The following NAPG variants were observed in gnomAD, a reference collection of about 807,000 sequenced individuals.
NAPG encodes NSF attachment protein gamma.
Under a neutral mutation model 48.4 loss-of-function variants are expected in NAPG, and 25 were observed. The ratio of observed to expected loss-of-function variants is 0.52; its 90% confidence interval spans 0.38 to 0.72. The LOEUF (loss-of-function observed/expected upper bound fraction) is 0.72. NAPG is among the 30% of genes least tolerant of loss of function. The pLI, the probability that NAPG is intolerant of heterozygous loss-of-function variation, is 0.00. For missense variants in NAPG, 359 were observed against 372.5 expected (o/e 0.96, Z 0.30); for synonymous variants, 139 against 127.2 (o/e 1.09, Z -0.62).
Position 10,532,792 on chromosome 18 carries a change from G to C in NAPG, c.206G>C (p.Arg69Thr), listed in dbSNP as rs745457865. 1 of 1,560,616 alleles carries C rather than the reference G, an allele frequency of 6.4e-7. No homozygotes were observed. Among genetic ancestry groups the C allele is most frequent in the East Asian group, 2.3e-5 (1 of 42,944 alleles). The change falls in exon 3 of 12, where the codon AGG (arginine) becomes ACG (threonine). Residue 69 changes from arginine to threonine, a missense_variant. By Grantham distance (71) the Arg-to-Thr change is moderately conservative. Transcript: ENST00000322897. ...LREAVAHENN[R>T]ALFHAAKAYE... The stretch of plus-strand genomic sequence containing the variant: ...GAAGCTGTTGCCCATGAAAATAATA[G>C]GGCGTATCTTTTTCAACTTTTAAAA...
In NAPG at chr18:10,532,190, A is replaced by G. The variant is rs144817749; in HGVS notation, c.125-521A>G. On this transcript the variant is annotated intron_variant, in intron 2 of 11. Coordinates refer to ENST00000322897, the MANE Select transcript of NAPG (RefSeq NM_003826.3). ...GAACAGTGAGACATCTTTTTCATAG[A>G]TAGTAAACAGTATAAAAGATTGTTT... 5.3e-5 allele frequency among the ~76,000 whole-genome samples: 8 copies of G among 152,174 alleles called. 1 individual carries two copies. In the East Asian group the frequency reaches 1.3e-3, roughly 26 times the overall value.
In NAPG at chr18:10,530,820, C is replaced by T; in HGVS notation, c.107C>T (p.Ser36Phe). Reference sequence around the variant, plus strand: ...AAGCCAGATTATGACAGTGCCGCTTCTGAATATGGAAAAGCAGGTATTTTT... The same window carrying T: ...AAGCCAGATTATGACAGTGCCGCTTTTGAATATGGAAAAGCAGGTATTTTT... ...KWKPDYDSAA[S>F]EYGKAAVAFK... The change falls in exon 2 of 12, where the codon TCT becomes TTT. Residue 36 changes from serine to phenylalanine, a missense_variant. Coordinates refer to ENST00000322897, the MANE Select transcript of NAPG (RefSeq NM_003826.3). 1.9e-6 allele frequency: 3 copies of T among 1,584,184 alleles called. No homozygotes were observed. Among genetic ancestry groups the T allele is most frequent in the Non-Finnish European group, 2.6e-6 (3 of 1,166,302 alleles).
In NAPG at chr18:10,530,750, CTG is replaced by C. The variant is rs1461104349; in HGVS notation, c.57-16_57-15del. ...AAATGTGGTTGGTAACTCCTGTTAA[CTG>C]TGTTTTTTTCATTCTAGCCTGAAAA... is the stretch of plus-strand genomic sequence containing the variant. On this transcript the variant is annotated intron_variant, in intron 1 of 11. Transcript: ENST00000322897. 6.6e-7 allele frequency: 1 copy of C among 1,517,684 alleles called. No homozygotes were observed. 94.0% of individuals were successfully genotyped at this position (1,517,684 alleles called of 1,614,324 possible). A position where few individuals can be genotyped will look rare whatever the true frequency, so the allele number is the denominator to read the frequency against.
At chr18:10,540,585 T>C (rs1422126210) in intron 8 of NAPG, 186 bp downstream of exon 8, 1 of 463,718 alleles carries the variant, frequency 2.2e-6, no homozygotes, top group Non-Finnish European at 3.8e-6. Context: ...AAAGATCTGC[T>C]GTTTTTTGAA....
intron 1 of NAPG, among the ~76,000 whole-genome samples, chr18:10,528,400 T>C (rs2031863559): frequency 6.6e-6 from 1 of 151,992 alleles, no homozygotes; most frequent in African/African-American, 2.4e-5. Flanking sequence ...AAAAATAGGA[T>C]GTTCAGTGCT....
intron 1 of NAPG, among the ~76,000 whole-genome samples, chr18:10,529,172 G>C (rs1598408711): frequency 6.6e-6 from 1 of 152,190 alleles, no homozygotes; most frequent in Admixed American, 6.5e-5. Context: ...TTAGGTGACG[G>C]AGTGATTGTA....
intron 1 of NAPG, among the ~76,000 whole-genome samples, chr18:10,527,832 C>T (rs896534466): frequency 1.3e-5 from 2 of 152,206 alleles, no homozygotes; most frequent in Admixed American, 6.5e-5. Context: ...GACAGCTTCT[C>T]ACATGGCTAT....
chr18:10,550,710 A>T lies in NAPG; in HGVS notation c.*490A>T, dbSNP rs1183141151. The T allele has an allele frequency of 6.5e-6, 1 of 152,984 alleles. No homozygotes were observed. The highest frequency in any genetic ancestry group is 1.5e-5 in the Non-Finnish European group (1 of 68,612). 9.5% of individuals were successfully genotyped at this position (152,984 alleles called of 1,614,324 possible). ...CCATGATGTTAGATACATTTAAATTATTAAGTCTTTTCAGAGATGAGATGG... is the reference window on the plus strand; with the variant it reads ...CCATGATGTTAGATACATTTAAATTTTTAAGTCTTTTCAGAGATGAGATGG... On this transcript the variant is annotated 3_prime_UTR_variant, in exon 12 of 12. Transcript: ENST00000322897.
intron 1 of NAPG, among the ~76,000 whole-genome samples, chr18:10,528,189 A>AAAAT (rs1346142228): frequency 6.6e-6 from 1 of 152,078 alleles, no homozygotes; most frequent in South Asian, 2.1e-4. Context: ...CTGTATCAAA[A>AAAAT]AAATAAATAA....
Position 10,548,867 on chromosome 18 carries a change from T to G in NAPG, c.666-100T>G. On this transcript the variant is annotated intron_variant, in intron 10 of 11. Coordinates refer to ENST00000322897, the MANE Select transcript of NAPG (RefSeq NM_003826.3). The surrounding 1 kb of genome is among the most constrained non-coding windows in gnomAD (Gnocchi z 4.4). ...ATTCCCACACTTTTAAGTACCAAAA[T>G]GTCTCCAGACAGTGTCACATGCCAG... 7.0e-7 allele frequency: 1 copy of G among 1,429,230 alleles called. No homozygotes were observed. The highest frequency in any genetic ancestry group is 9.4e-7 in the Non-Finnish European group (1 of 1,065,796). 88.5% of individuals were successfully genotyped at this position (1,429,230 alleles called of 1,614,324 possible).
In NAPG at chr18:10,539,898, C is replaced by G. The variant is rs370625861; in HGVS notation, c.368+27C>G. On this transcript the variant is annotated intron_variant, in intron 6 of 11. Transcript: ENST00000322897. This position sits in a 1 kb window ranked among gnomAD's most constrained non-coding sequence, Gnocchi z 4.7. The stretch of plus-strand genomic sequence containing the variant: ...TGAGTGTGAGATGGACAAGTCTCTG[C>G]ATAGAAGTCTTGTCTTTTTGTTTTA... 6.2e-7 allele frequency: 1 copy of G among 1,606,822 alleles called. No individual in the cohort carries two copies. Among genetic ancestry groups the G allele is most frequent in the Non-Finnish European group, 8.5e-7 (1 of 1,173,570 alleles).
intron 3 of NAPG, 180 bp downstream of exon 3, chr18:10,532,975 A>G: frequency 5.2e-6 from 3 of 577,734 alleles, no homozygotes; most frequent in Non-Finnish European, 9.2e-6. Flanking sequence ...TTTGATTATA[A>G]GGTCCACACT....
At chr18:10,536,160 G>A (rs1279336421) in intron 5 of NAPG, among the ~76,000 whole-genome samples, 1 of 152,134 alleles carries the variant, frequency 6.6e-6, no homozygotes, top group Non-Finnish European at 1.5e-5. Context: ...CATTGCTCAA[G>A]TATCTATTTA....
chr18:10,534,388 A>G lies in NAPG; in HGVS notation c.228-78A>G. 8.2e-7 allele frequency: 1 copy of G among 1,217,490 alleles called. No individual in the cohort carries two copies. 75.4% of individuals were successfully genotyped at this position (1,217,490 alleles called of 1,614,324 possible). The stretch of plus-strand genomic sequence containing the variant: ...TGTAATTGAAGTCACTTTCCTTACC[A>G]GTAGTTCCTCACCAGAAAGTTTCTT... On this transcript the variant is annotated intron_variant, in intron 4 of 11. Coordinates refer to ENST00000322897, the MANE Select transcript of NAPG (RefSeq NM_003826.3). This position sits in a 1 kb window ranked among gnomAD's most constrained non-coding sequence, Gnocchi z 5.0.
intron 1 of NAPG, among the ~76,000 whole-genome samples, chr18:10,528,017 C>T (rs1486879270): frequency 6.6e-6 from 1 of 152,172 alleles, no homozygotes; most frequent in South Asian, 2.1e-4. Context: ...GAAACCCTGT[C>T]TCTACTAAAA....
rs941297427 is a variant in NAPG, at chr18:10,534,192, A to G, written c.228-274A>G. Among the ~76,000 whole-genome samples the G allele has an allele frequency of 1.3e-5, 2 of 152,210 alleles. No individual in the cohort carries two copies. The highest frequency in any genetic ancestry group is 1.3e-4 in the Admixed American group (2 of 15,278). On this transcript the variant is annotated intron_variant, in intron 4 of 11. Coordinates refer to ENST00000322897, the MANE Select transcript of NAPG (RefSeq NM_003826.3). The surrounding 1 kb of genome is among the most constrained non-coding windows in gnomAD (Gnocchi z 5.0). ...AAAAACTTAGGTTTAGGTTTGTCAG[A>G]TGGAAATTAATTTAACCTTACTGAG... is the stretch of plus-strand genomic sequence containing the variant.
intron 1 of NAPG, 125 bp downstream of exon 1, chr18:10,526,283 C>G: frequency 1.4e-6 from 1 of 721,174 alleles, no homozygotes; most frequent in Non-Finnish European, 2.3e-6. Flanking sequence ...GCGCTGGTGC[C>G]CGCAGGGCTG....
intron 1 of NAPG, among the ~76,000 whole-genome samples, chr18:10,528,721 T>C (rs892580238): frequency 4.6e-5 from 7 of 152,102 alleles, no homozygotes; most frequent in Middle Eastern, 3.4e-3. Flanking sequence ...TCAGCCAAGA[T>C]AGGGGATATA....
In NAPG at chr18:10,544,370, G is replaced by A. The variant is rs2032218738; in HGVS notation, c.507-1956G>A. Among the ~76,000 whole-genome samples the A allele has an allele frequency of 1.3e-5, 2 of 152,200 alleles. No homozygotes were observed. The highest frequency in any genetic ancestry group is 4.1e-4 in the South Asian group (2 of 4,832). The stretch of plus-strand genomic sequence containing the variant: ...CAGGCCGAAATGAAGGTGTCGGAGG[G>A]GGCTGATCTCACCGGAGGCTTGGGT... On this transcript the variant is annotated intron_variant, in intron 8 of 11. Coordinates refer to ENST00000322897, the MANE Select transcript of NAPG (RefSeq NM_003826.3). This position sits in a 1 kb window ranked among gnomAD's most constrained non-coding sequence, Gnocchi z 5.1.
Sources: gnomAD v4.1 joint callset for allele counts (sites outside exome capture counted in the v4.1 genomes callset) on GRCh38, gnomAD v4.1.1 for gene constraint, Gnocchi (gnomAD v3.1) non-coding constraint, MANE v1.5 for transcripts, NCBI Gene and HGNC (gene_info 2026-07-23, HGNC 2026-07-21) for gene names.